The following MAP3K7CL variants were observed in gnomAD, a reference collection of about 807,000 sequenced individuals.
MAP3K7CL encodes the protein MAP3K7 C-terminal like, also known as MAP3K7 C-terminal-like protein.
A neutral mutation model predicts 18.6 loss-of-function variants in MAP3K7CL; 16 were observed. The observed-to-expected ratio is 0.86, with a 90% confidence interval of 0.58 to 1.31. MAP3K7CL has a LOEUF of 1.31. Among genes scored for constraint, MAP3K7CL ranks in the 50% most tolerant of loss-of-function variants. The pLI, the probability that MAP3K7CL is intolerant of heterozygous loss-of-function variation, is 0.00. For synonymous variants in MAP3K7CL, 65 were observed against 66.8 expected (o/e 0.97, Z 0.13); for missense variants, 163 against 174.4 (o/e 0.93, Z 0.37).
Position 29,174,730 on chromosome 21 carries a change from G to A in MAP3K7CL, c.267G>A (p.Lys89=), listed in dbSNP as rs2087924845. 1 of 1,614,142 alleles carries A rather than the reference G, an allele frequency of 6.2e-7. No homozygotes were observed. Among genetic ancestry groups the A allele is most frequent in the Non-Finnish European group, 8.5e-7 (1 of 1,180,012 alleles). ...TCTTCAGGAAGGAGCTCATTGCCAAGTTAGATCAGGCAGAAAAGGAGAAGG... is the reference window on the plus strand; with the variant it reads ...TCTTCAGGAAGGAGCTCATTGCCAAATTAGATCAGGCAGAAAAGGAGAAGG... ...LEQRKKELIA[K]LDQAEKEKVD... is the part of the protein sequence containing the mutation. The change falls in exon 5 of 5, where the codon AAG becomes AAA. Residue 89 remains lysine (K), a synonymous_variant. Transcript: ENST00000399928.
upstream of MAP3K7CL, among the ~76,000 whole-genome samples, chr21:29,129,088 G>A (rs915415988): frequency 3.9e-5 from 6 of 152,044 alleles, no homozygotes; most frequent in African/African-American, 1.2e-4. Flanking sequence ...AGAAAAAAAC[G>A]GAGTAAAATG....
intron 4 of MAP3K7CL, among the ~76,000 whole-genome samples, chr21:29,173,686 G>A (rs1383054555): frequency 6.6e-6 from 1 of 152,166 alleles, no homozygotes; most frequent in African/African-American, 2.4e-5. Flanking sequence ...CACATGGACT[G>A]AAGATCTTTA....
chr21:29,133,407 C>T lies in MAP3K7CL; in HGVS notation c.63C>T (p.Asp21=), dbSNP rs1015567004. The change falls in exon 2 of 5, where the codon GAC becomes GAT. Residue 21 remains aspartate (D), a synonymous_variant. Transcript: ENST00000399928. ...TACGCATCGCCTTTAGCCTCAATGA[C>T]GCCTCAGGTATACTCTGCTCTGGAA... The part of the protein sequence containing the change: ...KPVRIAFSLN[D]ASDDTPPEDS... The T allele has an allele frequency of 2.5e-5, 39 of 1,546,896 alleles. No homozygotes were observed. In the East Asian group the frequency reaches 3.7e-4, roughly 15 times the overall value.
exon 1 of MAP3K7CL, chr21:29,085,883 T>C (rs2085916710): frequency 6.2e-7 from 1 of 1,614,096 alleles, no homozygotes; most frequent in Non-Finnish European, 8.5e-7. Context: ...ATTGCACCTT[T>C]AGAAGTTATG....
At chr21:29,133,594 CT>C (rs1396109505) in intron 2 of MAP3K7CL, among the ~76,000 whole-genome samples, 180 bp downstream of exon 2, 1 of 152,176 alleles carries the variant, frequency 6.6e-6, no homozygotes, top group African/African-American at 2.4e-5. Context: ...TCTAGTGATG[CT>C]TTCCTCCACC....
chr21:29,170,392 G>A (rs1400754644), intron 4 of MAP3K7CL, among the ~76,000 whole-genome samples: 1 of 152,120 alleles, frequency 6.6e-6, no homozygotes, highest in Non-Finnish European at 1.5e-5. Flanking sequence ...ATGATTTTGT[G>A]ATTTTTTATC....
At chr21:29,082,866 A>G (rs575084398), upstream of MAP3K7CL, among the ~76,000 whole-genome samples, 3 of 152,110 alleles carry the variant, frequency 2.0e-5, no homozygotes, top group East Asian at 3.9e-4. Flanking sequence ...ACTGGGATCA[A>G]TTTACCTTGC....
chr21:29,114,668 G>A (rs1190066671), intron 4 of MAP3K7CL, among the ~76,000 whole-genome samples: 1 of 152,194 alleles, frequency 6.6e-6, no homozygotes, highest in African/African-American at 2.4e-5. Context: ...TGGGATTACA[G>A]GCATGAGCCA....
chr21:29,101,081 A>G (rs571423571), intron 4 of MAP3K7CL, among the ~76,000 whole-genome samples: 1 of 150,924 alleles, frequency 6.6e-6, no homozygotes, highest in African/African-American at 2.4e-5. Flanking sequence ...GATTACAGGC[A>G]TGAGCTACCG....
At position 29,090,494 on chromosome 21, in the gene MAP3K7CL, C is replaced by T. The variant is rs374827007; in HGVS notation, c.58-1007C>T. ...CTCCTGGGTTCACGCCATTCTCCTG[C>T]CTCAGCCTCCCGAGTAGCTGGGACT... On this transcript the variant is annotated intron_variant, in intron 1 of 6. Transcript: ENST00000286791. Among the ~76,000 whole-genome samples the T allele has an allele frequency of 9.2e-5, 14 of 152,008 alleles. No homozygotes were observed. In the East Asian group the frequency reaches 1.9e-3, roughly 21 times the overall value.
chr21:29,094,543 C>T (rs1175337961), intron 4 of MAP3K7CL, among the ~76,000 whole-genome samples: 2 of 152,230 alleles, frequency 1.3e-5, no homozygotes, highest in Non-Finnish European at 2.9e-5. Context: ...CTTTGATAGA[C>T]TACTTTGCTT....
At chr21:29,117,833 G>A (rs1354713974) in intron 4 of MAP3K7CL, among the ~76,000 whole-genome samples, 1 of 152,122 alleles carries the variant, frequency 6.6e-6, no homozygotes, top group Non-Finnish European at 1.5e-5. Flanking sequence ...GACTAAATGG[G>A]TTTGGCAGTA....
intron 4 of MAP3K7CL, among the ~76,000 whole-genome samples, chr21:29,113,989 A>T (rs2086463700): frequency 6.6e-6 from 1 of 152,128 alleles, no homozygotes; most frequent in Non-Finnish European, 1.5e-5. Flanking sequence ...TTCTGCCCAA[A>T]TCTGGGGTGC....
chr21:29,155,942 A>C (rs180717593), intron 3 of MAP3K7CL, among the ~76,000 whole-genome samples: 30 of 152,354 alleles, frequency 2.0e-4, no homozygotes, highest in African/African-American at 7.2e-4. Context: ...GATGGCAGGG[A>C]GTGCATCTGA....
intron 4 of MAP3K7CL, among the ~76,000 whole-genome samples, chr21:29,100,083 T>TAAAA (rs397727880): frequency 2.4e-5 from 3 of 122,856 alleles, no homozygotes; most frequent in African/African-American, 6.3e-5. Flanking sequence ...ACTCCGTCTT[T>TAAAA]AAAAAAAAAA....
rs1284784439 is a variant in MAP3K7CL, at chr21:29,145,082, T to G, written c.71-4107T>G. ...ATTTCTTAGGATACATTTTGCTTGG[T>G]CTAGTAAGTCTACAGTGCCATTTTG... is the stretch of plus-strand genomic sequence containing the variant. On this transcript the variant is annotated intron_variant, in intron 2 of 4. Coordinates refer to ENST00000399928, the MANE Select transcript of MAP3K7CL (RefSeq NM_001286620.2). 3.9e-5 allele frequency among the ~76,000 whole-genome samples: 6 copies of G among 152,224 alleles called. No homozygotes were observed. In the South Asian group the frequency reaches 1.0e-3, roughly 26 times the overall value.
chr21:29,109,234 GA>G, intron 4 of MAP3K7CL: 1 of 1,535,120 alleles, frequency 6.5e-7, no homozygotes, highest in Non-Finnish European at 8.7e-7. Flanking sequence ...GAGCTCCGAG[GA>G]AGAAGAAATT....
In MAP3K7CL at chr21:29,130,759, C is replaced by G; in HGVS notation, c.-204C>G. ...CTGGGGTCTGGGGCAGAGCAGGTAG[C>G]AGCGTGCTGCCCTGACAGCTGTCTC... On this transcript the variant is annotated 5_prime_UTR_variant, in exon 1 of 5. Coordinates refer to ENST00000399928, the MANE Select transcript of MAP3K7CL (RefSeq NM_001286620.2). The G allele has an allele frequency of 1.0e-6, 1 of 985,546 alleles. No homozygotes were observed. 61.1% of individuals were successfully genotyped at this position (985,546 alleles called of 1,614,324 possible). A position where few individuals can be genotyped will look rare whatever the true frequency, so the allele number is the denominator to read the frequency against.
intron 4 of MAP3K7CL, among the ~76,000 whole-genome samples, chr21:29,125,285 A>G (rs907553731): frequency 1.6e-4 from 24 of 152,328 alleles, no homozygotes; most frequent in African/African-American, 5.8e-4. Flanking sequence ...TAATTTAACC[A>G]AAGTCCTACA....
Sources: gnomAD v4.1 joint callset for allele counts (sites outside exome capture counted in the v4.1 genomes callset) on GRCh38, gnomAD v4.1.1 for gene constraint, MANE v1.5 for transcripts, NCBI Gene and HGNC (gene_info 2026-07-23, HGNC 2026-07-21) for gene names.